IGF1R: variants seen among roughly 807,000 people sequenced by gnomAD.
The protein encoded by IGF1R is insulin like growth factor 1 receptor.
A neutral mutation model predicts 144.6 loss-of-function variants in IGF1R; 44 were observed. The observed-to-expected ratio is 0.30, with a 90% CI of 0.24 to 0.39. The LOEUF is 0.39. Ranked by LOEUF, IGF1R falls within the 10% of genes least tolerant of loss-of-function variation. The pLI is 1.00. For missense variants in IGF1R, 1,355 were observed against 1,833.7 expected (o/e 0.74, Z 4.77); for synonymous variants, 795 against 722.8 (o/e 1.10, Z -1.60).
chr15:98,834,430 T>G (rs950786053), intron 2 of IGF1R, among the ~76,000 whole-genome samples: 2 of 152,238 alleles, frequency 1.3e-5, no homozygotes, highest in African/African-American at 4.8e-5. Context: ...TCACGTGAGT[T>G]ATCTCACCAA....
chr15:98,875,349 C>CTTTTCTTT (rs1555455559), intron 2 of IGF1R, among the ~76,000 whole-genome samples: 1 of 130,210 alleles, frequency 7.7e-6, no homozygotes, highest in Non-Finnish European at 1.6e-5. Flanking sequence ...CTTTTCTTTT[C>CTTTTCTTT]TTTTTTTTTT....
intron 2 of IGF1R, among the ~76,000 whole-genome samples, chr15:98,714,723 T>C (rs2054074884): frequency 6.6e-6 from 1 of 152,136 alleles, no homozygotes. Context: ...AAAAAAAGAA[T>C]GTGTAAATCA....
intron 2 of IGF1R, among the ~76,000 whole-genome samples, chr15:98,860,334 A>G (rs2012079252): frequency 6.6e-6 from 1 of 152,256 alleles, no homozygotes; most frequent in Non-Finnish European, 1.5e-5. Context: ...GTGGATCTTG[A>G]GTATCTCAGC....
chr15:98,852,247 T>G (rs560917859), intron 2 of IGF1R, among the ~76,000 whole-genome samples: 42 of 152,170 alleles, frequency 2.8e-4, no homozygotes, highest in South Asian at 1.0e-3. Context: ...GGCTGTGGTG[T>G]GCGCCCTTCC....
Position 98,913,413 on chromosome 15 carries a change from G to A in IGF1R, c.1828+131G>A, listed in dbSNP as rs991775116. On this transcript the variant is annotated intron_variant, in intron 8 of 20. Coordinates refer to ENST00000650285, the MANE Select transcript of IGF1R (RefSeq NM_000875.5). ...GTCTTTCTTGTCAATAGGTAATACT[G>A]TGTCATATTCATTTCCCCACTGCTA... 8.8e-6 allele frequency: 7 copies of A among 799,968 alleles called. No individual in the cohort carries two copies. The East Asian group carries it at 9.7e-5, about 11-fold the overall frequency. 49.6% of individuals were successfully genotyped at this position (799,968 alleles called of 1,614,324 possible).
rs749799692 is a variant in IGF1R, at chr15:98,681,964, A to G, written c.95-25598A>G. On this transcript the variant is annotated intron_variant, in intron 1 of 20. Transcript: ENST00000650285. ...TTTGGAATGTGGATGGGGCCCTTAC[A>G]CTTTTTCTTTTGAGCTTAGTGATTT... Among the ~76,000 whole-genome samples, 50 of 152,006 alleles carry G rather than the reference A, an allele frequency of 3.3e-4. 1 individual carries two copies. Among genetic ancestry groups the G allele is most frequent in the Non-Finnish European group, 5.7e-4 (39 of 67,992 alleles).
intron 2 of IGF1R, among the ~76,000 whole-genome samples, chr15:98,826,099 A>G (rs1484491014): frequency 2.6e-5 from 4 of 152,222 alleles, no homozygotes; most frequent in African/African-American, 9.6e-5. Context: ...CCCATGAAGC[A>G]GGTAATTATG....
At chr15:98,797,457 C>T (rs2056271068) in intron 2 of IGF1R, among the ~76,000 whole-genome samples, 1 of 152,218 alleles carries the variant, frequency 6.6e-6, no homozygotes, top group Non-Finnish European at 1.5e-5. Flanking sequence ...TATTTAGTAA[C>T]TTCAAATTGT....
At chr15:98,758,793 T>C (rs1315227808) in intron 2 of IGF1R, among the ~76,000 whole-genome samples, 1 of 152,200 alleles carries the variant, frequency 6.6e-6, no homozygotes, top group Non-Finnish European at 1.5e-5. Flanking sequence ...CTTGTTACTT[T>C]AGAGAGGGGA....
At chr15:98,834,721 G>A (rs1468273691) in intron 2 of IGF1R, among the ~76,000 whole-genome samples, 1 of 152,196 alleles carries the variant, frequency 6.6e-6, no homozygotes, top group Non-Finnish European at 1.5e-5. Flanking sequence ...GGTTCAGTAG[G>A]CTCAAGCATT....
intron 1 of IGF1R, among the ~76,000 whole-genome samples, chr15:98,700,922 T>G (rs1363801264): frequency 1.3e-5 from 2 of 152,162 alleles, no homozygotes; most frequent in Non-Finnish European, 2.9e-5. Flanking sequence ...ATTAAAACTT[T>G]TTTTTTCATT....
At chr15:98,739,563 A>G (rs2054689667) in intron 2 of IGF1R, among the ~76,000 whole-genome samples, 1 of 152,072 alleles carries the variant, frequency 6.6e-6, no homozygotes, top group Admixed American at 6.5e-5. Flanking sequence ...TTATGAGATG[A>G]TTATGAAAGT....
rs1304770581 is a variant in IGF1R at position 98,916,142 on chromosome 15, A to G, written c.1996+11A>G. 1.2e-6 allele frequency: 2 copies of G among 1,614,010 alleles called. No homozygotes were observed. The highest frequency in any genetic ancestry group is 1.7e-5 in the Admixed American group (1 of 60,020). ...ATTACTGCTCCAAAGGTAAGGGTGC[A>G]GCAGCGGCCTGGACGGAGGGTGTGA... is the stretch of plus-strand genomic sequence containing the variant. On this transcript the variant is annotated intron_variant, in intron 9 of 20. Transcript: ENST00000650285.
chr15:98,803,114 ATT>A (rs2056395885), intron 2 of IGF1R, among the ~76,000 whole-genome samples: 1 of 152,170 alleles, frequency 6.6e-6, no homozygotes, highest in Non-Finnish European at 1.5e-5. Context: ...TGAGAAATGC[ATT>A]GTTAGGTAAT....
intron 2 of IGF1R, among the ~76,000 whole-genome samples, chr15:98,763,231 T>G (rs1300152196): frequency 6.6e-6 from 1 of 152,202 alleles, no homozygotes; most frequent in Non-Finnish European, 1.5e-5. Context: ...TGTTGACATA[T>G]TCTATGGTGC....
rs571122612 is a variant in IGF1R, at chr15:98,962,131, G to T, written c.*4689G>T. 3 of 233,178 alleles carry T rather than the reference G, an allele frequency of 1.3e-5. No individual in the cohort carries two copies. The highest frequency in any genetic ancestry group is 1.8e-4 in the South Asian group (1 of 5,536). 14.4% of individuals were successfully genotyped at this position (233,178 alleles called of 1,614,324 possible). On this transcript the variant is annotated 3_prime_UTR_variant, in exon 21 of 21. Transcript: ENST00000650285. ...TCTGTGGCAAGATCACACTGAGATC[G>T]ATGGGTGAGAAGGCTAGGATGCTTG...
intron 3 of IGF1R, among the ~76,000 whole-genome samples, chr15:98,894,980 C>T (rs898272753): frequency 2.0e-5 from 3 of 149,304 alleles, no homozygotes; most frequent in South Asian, 2.1e-4. Flanking sequence ...GAGATCATGC[C>T]GCTGCACTGT....
At chr15:98,795,011 A>C (rs569278791) in intron 2 of IGF1R, among the ~76,000 whole-genome samples, 4 of 152,328 alleles carry the variant, frequency 2.6e-5, no homozygotes, top group African/African-American at 7.2e-5. Flanking sequence ...GAAGGCACGG[A>C]TGTTTCCCTG....
intron 2 of IGF1R, among the ~76,000 whole-genome samples, chr15:98,868,354 G>A (rs1213368290): frequency 1.4e-5 from 1 of 71,748 alleles, no homozygotes; most frequent in Non-Finnish European, 2.9e-5. Flanking sequence ...AGCCAAATCT[G>A]TTGGGTTTTT....
Sources: gnomAD v4.1 joint callset for allele counts (sites outside exome capture counted in the v4.1 genomes callset) on GRCh38, gnomAD v4.1.1 for gene constraint, MANE v1.5 for transcripts, NCBI Gene and HGNC (gene_info 2026-07-23, HGNC 2026-07-21) for gene names.